KLF12: variants seen among roughly 807,000 people sequenced by gnomAD.
KLF12 encodes the protein KLF transcription factor 12, also known as Krueppel-like factor 12.
A neutral mutation model predicts 37.8 loss-of-function variants in KLF12; 9 were observed. The observed-to-expected ratio is 0.24, with a 90% CI of 0.14 to 0.42. KLF12 has a LOEUF of 0.42. Among genes scored for constraint, KLF12 ranks in the 10% least tolerant of loss-of-function variants. The pLI is 1.00. For missense variants in KLF12, 411 were observed against 516.0 expected (o/e 0.80, Z 1.97); for synonymous variants, 208 against 202.1 (o/e 1.03, Z -0.25).
chr13:74,140,958 GGGGTGC>G, the KLF12 span, among the ~76,000 whole-genome samples: 1 of 412 alleles, frequency 2.4e-3, no homozygotes, highest in East Asian at 0.5. Flanking sequence ...CGGGGGGTGG[GGGGTGC>G]TGAGGCAGGA....
At chr13:73,817,364 A>C (rs1308704227) in intron 4 of KLF12, among the ~76,000 whole-genome samples, 1 of 151,904 alleles carries the variant, frequency 6.6e-6, no homozygotes, top group African/African-American at 2.4e-5. Flanking sequence ...AAAAAAAAGA[A>C]AGAAAAAGAC....
chr13:74,214,131 T>G, the KLF12 span, among the ~76,000 whole-genome samples: 1 of 152,206 alleles, frequency 6.6e-6, no homozygotes, highest in Non-Finnish European at 1.5e-5. Flanking sequence ...TTTATTTGCC[T>G]AGGTTTACAT....
chr13:74,275,752 A>G, the KLF12 span, among the ~76,000 whole-genome samples: 1 of 150,034 alleles, frequency 6.7e-6, no homozygotes, highest in Admixed American at 6.6e-5. Flanking sequence ...CAATCAGACT[A>G]TAGGTGCACG....
At chr13:73,888,296 G>A (rs767381280) in intron 3 of KLF12, among the ~76,000 whole-genome samples, 10 of 152,050 alleles carry the variant, frequency 6.6e-5, no homozygotes, top group Non-Finnish European at 8.8e-5. Context: ...GAGCCACCGC[G>A]CCCGGCCACA....
At chr13:74,051,154 A>C in intron 1 of KLF12, among the ~76,000 whole-genome samples, 1 of 152,234 alleles carries the variant, frequency 6.6e-6, no homozygotes, top group East Asian at 1.9e-4. Flanking sequence ...CAGGACTACC[A>C]TATGATCTAC....
At chr13:73,709,768 A>G (rs1237664099) in intron 7 of KLF12, among the ~76,000 whole-genome samples, 1 of 152,212 alleles carries the variant, frequency 6.6e-6, no homozygotes, top group Non-Finnish European at 1.5e-5. Context: ...ACTGTGAGGC[A>G]GAGAAATGTG....
At chr13:74,102,122 G>A (rs1876383596) in intron 1 of KLF12, among the ~76,000 whole-genome samples, 1 of 151,884 alleles carries the variant, frequency 6.6e-6, no homozygotes, top group African/African-American at 2.4e-5. Flanking sequence ...GGAAGCTGAG[G>A]CAGGAGAATC....
chr13:73,707,395 T>C (rs1402888754), intron 7 of KLF12, among the ~76,000 whole-genome samples: 1 of 152,234 alleles, frequency 6.6e-6, no homozygotes, highest in African/African-American at 2.4e-5. Flanking sequence ...AACTTTTGTC[T>C]CTGGACTTCA....
At chr13:73,877,513 T>G (rs533395402) in intron 3 of KLF12, among the ~76,000 whole-genome samples, 1 of 152,186 alleles carries the variant, frequency 6.6e-6, no homozygotes, top group Non-Finnish European at 1.5e-5. Context: ...TTATAGTGAG[T>G]GACCACACAG....
At chr13:74,082,063 C>T (rs957468429) in intron 1 of KLF12, among the ~76,000 whole-genome samples, 1 of 151,108 alleles carries the variant, frequency 6.6e-6, no homozygotes, top group East Asian at 2.0e-4. Context: ...CAAGCTGGCT[C>T]ACACCTGTAA....
intron 3 of KLF12, among the ~76,000 whole-genome samples, chr13:73,912,925 T>G (rs1888640700): frequency 7.3e-6 from 1 of 137,192 alleles, no homozygotes; most frequent in South Asian, 2.1e-4. Context: ...TCTCTCTCTC[T>G]CTCATATCCT....
At chr13:74,072,380 T>TATATATAA (rs1231273913) in intron 1 of KLF12, among the ~76,000 whole-genome samples, 3 of 113,998 alleles carry the variant, frequency 2.6e-5, no homozygotes, top group African/African-American at 1.2e-4. Context: ...TATATATATA[T>TATATATAA]ATATATATAT....
At chr13:73,900,848 C>T (rs1223993708) in intron 3 of KLF12, among the ~76,000 whole-genome samples, 2 of 152,028 alleles carry the variant, frequency 1.3e-5, no homozygotes, top group Non-Finnish European at 2.9e-5. Context: ...ACATTCTCAT[C>T]AGGGTTACAT....
At chr13:73,937,708 G>A (rs1188591537) in intron 3 of KLF12, among the ~76,000 whole-genome samples, 1 of 152,206 alleles carries the variant, frequency 6.6e-6, no homozygotes, top group Non-Finnish European at 1.5e-5. Flanking sequence ...CAGGCCCTGA[G>A]GGAAAGGATT....
Position 73,689,934 on chromosome 13 carries a change from A to G in KLF12, c.*5556T>C, listed in dbSNP as rs956682244. ...AACTTTTTATCTGGAAATTATAATT[A>G]CCATATGCAATAGTGTTCACTGAAG... On this transcript the variant is annotated 3_prime_UTR_variant, in exon 8 of 8. Coordinates refer to ENST00000377669, the MANE Select transcript of KLF12 (RefSeq NM_007249.5). The G allele has an allele frequency of 6.6e-6, 1 of 152,216 alleles. No homozygotes were observed. The highest frequency in any genetic ancestry group is 6.5e-5 in the Admixed American group (1 of 15,278). 9.4% of individuals were successfully genotyped at this position (152,216 alleles called of 1,614,324 possible). A position where few individuals can be genotyped will look rare whatever the true frequency, so the allele number is the denominator to read the frequency against.
At chr13:73,984,521 G>A (rs773365326) in intron 2 of KLF12, among the ~76,000 whole-genome samples, 3 of 152,066 alleles carry the variant, frequency 2.0e-5, no homozygotes, top group Non-Finnish European at 4.4e-5. Flanking sequence ...ACTGGCATGT[G>A]CCCTTGTACA....
Position 73,696,033 on chromosome 13 carries a change from T to C in KLF12, c.1028-362A>G, listed in dbSNP as rs139637113. On this transcript the variant is annotated intron_variant, in intron 7 of 7. Coordinates refer to ENST00000377669, the MANE Select transcript of KLF12 (RefSeq NM_007249.5). ...TTTTAAGGCTGAAAGTCACAAAGAATTCTTACGGTCAAGCAGTTATGCCTT... is the reference window on the plus strand; with the variant it reads ...TTTTAAGGCTGAAAGTCACAAAGAACTCTTACGGTCAAGCAGTTATGCCTT... Among the ~76,000 whole-genome samples, 49 of 152,258 alleles carry C rather than the reference T, an allele frequency of 3.2e-4. 1 individual carries two copies. The highest frequency in any genetic ancestry group is 1.1e-3 in the African/African-American group (47 of 41,558).
chr13:73,699,638 T>C (rs1874402531), intron 7 of KLF12, among the ~76,000 whole-genome samples: 2 of 152,194 alleles, frequency 1.3e-5, no homozygotes, highest in African/African-American at 4.8e-5. Flanking sequence ...CTTTAAATAC[T>C]GTTGTATTAA....
chr13:73,923,067 C>A (rs1262626603), intron 3 of KLF12, among the ~76,000 whole-genome samples: 1 of 152,174 alleles, frequency 6.6e-6, no homozygotes, highest in African/African-American at 2.4e-5. Context: ...AATTTTCATG[C>A]TTCCTCTTCA....
Sources: allele counts gnomAD v4.1 joint callset (sites outside exome capture counted in the v4.1 genomes callset), GRCh38; gene constraint gnomAD v4.1.1; transcripts MANE v1.5; gene names NCBI Gene and HGNC (gene_info 2026-07-23, HGNC 2026-07-21).